The following ARHGAP26 variants were observed in gnomAD, a reference collection of about 807,000 sequenced individuals.
ARHGAP26 encodes the protein Rho GTPase activating protein 26.
Under a neutral mutation model 104.8 loss-of-function variants are expected in ARHGAP26, and 38 were observed. That is an observed-to-expected ratio of 0.36 (90% confidence interval 0.28 to 0.48). ARHGAP26 has a LOEUF of 0.48. ARHGAP26 is among the 20% of genes least tolerant of loss of function. ARHGAP26 has a pLI of 0.99. For synonymous variants in ARHGAP26, 341 were observed against 340.0 expected (o/e 1.00, Z -0.03); for missense variants, 704 against 947.9 (o/e 0.74, Z 3.38).
At chr5:143,071,031 A>G (rs571831001) in intron 17 of ARHGAP26, among the ~76,000 whole-genome samples, 129 of 152,356 alleles carry the variant, frequency 8.5e-4, no homozygotes, top group African/African-American at 3.0e-3. Flanking sequence ...AGAAAGAACA[A>G]AGCTAGTGGT....
chr5:143,075,100 G>T (rs80306750), intron 17 of ARHGAP26, among the ~76,000 whole-genome samples: 1,746 of 152,304 alleles, frequency 0.011, 37 homozygotes, highest in African/African-American at 0.041. Context: ...CATGTTTTCT[G>T]TGCTGGTTAC....
intron 11 of ARHGAP26, among the ~76,000 whole-genome samples, chr5:142,977,628 G>T (rs1036485574): frequency 6.6e-6 from 1 of 152,126 alleles, no homozygotes. Flanking sequence ...GGCAACCTTT[G>T]TGTGCTCAGC....
intron 9 of ARHGAP26, among the ~76,000 whole-genome samples, chr5:142,909,756 TC>T (rs2152474004): frequency 6.6e-6 from 1 of 152,368 alleles, no homozygotes; most frequent in Non-Finnish European, 1.5e-5. Context: ...GTGCCTGCTT[TC>T]CTTGGATTGA....
chr5:142,882,710 A>AG (rs1437113380), intron 4 of ARHGAP26, among the ~76,000 whole-genome samples: 2 of 152,232 alleles, frequency 1.3e-5, no homozygotes, highest in African/African-American at 4.8e-5. Flanking sequence ...TCCATGTGGT[A>AG]GGCACCCTGC....
intron 17 of ARHGAP26, chr5:143,058,104 A>C (rs1159549156): frequency 8.5e-6 from 4 of 471,262 alleles, no homozygotes; most frequent in Non-Finnish European, 1.7e-5. Context: ...AGAACAAACA[A>C]AAATATGTTG....
intron 22 of ARHGAP26, among the ~76,000 whole-genome samples, chr5:143,217,113 G>A (rs972776290): frequency 1.3e-5 from 2 of 152,128 alleles, no homozygotes; most frequent in Non-Finnish European, 2.9e-5. Context: ...CAATCAGAAA[G>A]TGCACGTGTG....
chr5:142,813,654 C>A (rs2152036424), intron 1 of ARHGAP26, among the ~76,000 whole-genome samples: 1 of 152,360 alleles, frequency 6.6e-6, no homozygotes, highest in East Asian at 1.9e-4. Context: ...AGTATCTTCA[C>A]ACGGTCTTTT....
chr5:142,837,494 C>T (rs539011740), intron 1 of ARHGAP26, among the ~76,000 whole-genome samples: 7 of 152,264 alleles, frequency 4.6e-5, no homozygotes, highest in African/African-American at 1.7e-4. Flanking sequence ...CTCACTTGAG[C>T]TTCACTTGGC....
rs749788598 is a variant in ARHGAP26, at chr5:142,879,359, G to C, written c.313-15G>C. The stretch of plus-strand genomic sequence containing the variant: ...TTTTGTGTCTTCTTTCCCTTACTCT[G>C]TTGTTCTTCACCAGATTGAGAATGC... On this transcript the variant is annotated splice_polypyrimidine_tract_variant and intron_variant, in intron 3 of 22. Coordinates refer to ENST00000645722, the MANE Select transcript of ARHGAP26 (RefSeq NM_001135608.3). 1 of 1,612,826 alleles carries C rather than the reference G, an allele frequency of 6.2e-7. No homozygotes were observed. Among genetic ancestry groups the C allele is most frequent in the African/African-American group, 1.3e-5 (1 of 75,008 alleles).
chr5:142,957,242 A>G (rs771910252), intron 11 of ARHGAP26, among the ~76,000 whole-genome samples: 1 of 152,180 alleles, frequency 6.6e-6, no homozygotes, highest in Non-Finnish European at 1.5e-5. Flanking sequence ...TGCTGTAATA[A>G]AGCCAAACTT....
chr5:142,807,267 A>G (rs1246323473), intron 1 of ARHGAP26, among the ~76,000 whole-genome samples: 1 of 152,190 alleles, frequency 6.6e-6, no homozygotes, highest in Non-Finnish European at 1.5e-5. Context: ...GAAGCAACTT[A>G]GGGGCAGTAG....
At chr5:142,922,750 C>T (rs1351315824) in intron 10 of ARHGAP26, among the ~76,000 whole-genome samples, 1 of 152,184 alleles carries the variant, frequency 6.6e-6, no homozygotes, top group Non-Finnish European at 1.5e-5. Flanking sequence ...TCCTACTTTT[C>T]CCTCCTGGTG....
At chr5:142,923,857 CTTTTTTTTT>C (rs11389284) in intron 10 of ARHGAP26, among the ~76,000 whole-genome samples, 11 of 105,868 alleles carry the variant, frequency 1.0e-4, no homozygotes, top group Non-Finnish European at 1.7e-4. Context: ...GGATCAGATC[CTTTTTTTTT>C]TTTTTTTTTT....
chr5:143,202,093 T>A (rs892041778), intron 20 of ARHGAP26: 3 of 152,220 alleles, frequency 2.0e-5, no homozygotes, highest in African/African-American at 7.2e-5. Flanking sequence ...TGAATCTGGG[T>A]GCTCCTGTAT....
At chr5:142,988,470 T>A (rs957515760) in intron 11 of ARHGAP26, among the ~76,000 whole-genome samples, 3 of 152,100 alleles carry the variant, frequency 2.0e-5, no homozygotes, top group Non-Finnish European at 2.9e-5. Context: ...TTTTGAAGGG[T>A]TTTTTGTGTC....
intron 1 of ARHGAP26, among the ~76,000 whole-genome samples, chr5:142,804,730 G>A (rs1762669692): frequency 6.6e-6 from 1 of 152,276 alleles, no homozygotes; most frequent in Non-Finnish European, 1.5e-5. Flanking sequence ...GACCTCAGGT[G>A]ATCCACCTGC....
intron 6 of ARHGAP26, 42 bp from the exon 7 acceptor site, chr5:142,901,893 C>T: frequency 6.4e-7 from 1 of 1,552,836 alleles, no homozygotes; most frequent in South Asian, 1.1e-5. Flanking sequence ...TACCTCTTTT[C>T]AACCTGGTTA....
In ARHGAP26 at chr5:143,121,146, A is replaced by G. The variant is rs1346490355; in HGVS notation, c.1697A>G (p.Lys566Arg). Residue 566 changes from lysine to arginine, a missense_variant and splice_region_variant, in exon 18 of 23, where the codon AAG becomes AGG. Physicochemically the swap from Lys to Arg is conservative, Grantham distance 26. Transcript: ENST00000645722. The part of the protein sequence containing the change: ...VIEILIENHE[K>R]IFNTVPDMPL... ...GAGATCCTAATAGAAAACCACGAAAAGGTAATATGTAATTGATCACTTGCA... is the reference window on the plus strand; with the variant it reads ...GAGATCCTAATAGAAAACCACGAAAGGGTAATATGTAATTGATCACTTGCA... 28 of 1,612,508 alleles carry G rather than the reference A, an allele frequency of 1.7e-5. No individual in the cohort carries two copies. The highest frequency in any genetic ancestry group is 2.3e-5 in the Non-Finnish European group (27 of 1,179,014).
intron 19 of ARHGAP26, among the ~76,000 whole-genome samples, chr5:143,138,541 T>C (rs1354365576): frequency 6.6e-6 from 1 of 152,124 alleles, no homozygotes; most frequent in Non-Finnish European, 1.5e-5. Flanking sequence ...CAAAATGATA[T>C]GAAGGGTCCC....
Sources: allele counts gnomAD v4.1 joint callset (sites outside exome capture counted in the v4.1 genomes callset), GRCh38; gene constraint gnomAD v4.1.1; transcripts MANE v1.5; gene names NCBI Gene and HGNC (gene_info 2026-07-23, HGNC 2026-07-21).